The following CRPPA variants were observed in gnomAD, a reference collection of about 807,000 sequenced individuals.
The protein encoded by CRPPA is D-ribitol-5-phosphate cytidylyltransferase.
In CRPPA, 43 loss-of-function variants were observed where a neutral mutation model predicts 52.0. The observed-to-expected ratio is 0.83, with a 90% CI of 0.65 to 1.07. The LOEUF (loss-of-function observed/expected upper bound fraction) is 1.07. CRPPA is among the 50% of genes least tolerant of loss of function. The pLI, the probability that CRPPA is intolerant of heterozygous loss-of-function variation, is 0.00. For synonymous variants in CRPPA, 250 were observed against 203.5 expected, an observed-to-expected ratio of 1.23 and a Z score of -1.94; for missense variants, 629 against 551.7, an observed-to-expected ratio of 1.14 and a Z score of -1.40.
chr7:16,394,080 G>A (rs1181540858), intron 2 of CRPPA, among the ~76,000 whole-genome samples: 1 of 152,004 alleles, frequency 6.6e-6, no homozygotes, highest in African/African-American at 2.4e-5. Flanking sequence ...TTACTGATGA[G>A]TATAATTCAA....
chr7:16,387,090 C>CATATAT (rs1463920056), intron 2 of CRPPA, among the ~76,000 whole-genome samples: 10 of 43,158 alleles, frequency 2.3e-4, no homozygotes, highest in African/African-American at 9.5e-4. Flanking sequence ...TATATATACA[C>CATATAT]ACATATATAT....
At chr7:16,343,366 A>T (rs2526602) in intron 3 of CRPPA, among the ~76,000 whole-genome samples, 97,096 of 151,824 alleles carry the variant, frequency 0.64, 31,274 homozygotes, top group South Asian at 0.79. Flanking sequence ...TCTGAATCTG[A>T]AGGGAGCCTT....
chr7:16,209,609 A>T (rs2128395818), intron 9 of CRPPA, among the ~76,000 whole-genome samples: 1 of 152,288 alleles, frequency 6.6e-6, no homozygotes, highest in South Asian at 2.1e-4. Flanking sequence ...AATAAAATAA[A>T]ATCTTGAGTT....
chr7:16,263,685 G>T (rs1258659819), intron 6 of CRPPA, among the ~76,000 whole-genome samples: 1 of 152,038 alleles, frequency 6.6e-6, no homozygotes, highest in African/African-American at 2.4e-5. Flanking sequence ...CTGGGAGGCA[G>T]AGGTTGCAGT....
intron 2 of CRPPA, among the ~76,000 whole-genome samples, chr7:16,380,725 G>GT (rs1358223765): frequency 6.6e-6 from 1 of 152,210 alleles, no homozygotes; most frequent in Non-Finnish European, 1.5e-5. Context: ...TTGGGAGGGT[G>GT]TATGTGTCGA....
chr7:16,288,626 A>G (rs1209910208), intron 5 of CRPPA, among the ~76,000 whole-genome samples: 1 of 151,962 alleles, frequency 6.6e-6, no homozygotes, highest in Non-Finnish European at 1.5e-5. Context: ...TGGGTGCATC[A>G]CCTGAGGTCA....
chr7:16,186,529 T>C (rs1013279349), intron 9 of CRPPA, among the ~76,000 whole-genome samples: 1 of 152,146 alleles, frequency 6.6e-6, no homozygotes, highest in Non-Finnish European at 1.5e-5. Context: ...TGGAAATTTG[T>C]TATAGCAACC....
At chr7:16,148,586 T>G (rs527886864) in intron 9 of CRPPA, among the ~76,000 whole-genome samples, 3 of 151,958 alleles carry the variant, frequency 2.0e-5, no homozygotes, top group Non-Finnish European at 2.9e-5. Flanking sequence ...GCTAAAACAA[T>G]GAGCTCATAT....
intron 8 of CRPPA, among the ~76,000 whole-genome samples, chr7:16,228,184 G>C (rs946447749): frequency 1.3e-5 from 2 of 151,774 alleles, no homozygotes; most frequent in Non-Finnish European, 3.0e-5. Flanking sequence ...CTCCAGCTTT[G>C]TTCTTTTTCC....
At chr7:16,325,505 T>C (rs1785363019) in intron 3 of CRPPA, among the ~76,000 whole-genome samples, 1 of 152,144 alleles carries the variant, frequency 6.6e-6, no homozygotes, top group Non-Finnish European at 1.5e-5. Context: ...TATTGGACTG[T>C]TTCAGGAACA....
chr7:16,326,376 T>C (rs1346311549), intron 3 of CRPPA, among the ~76,000 whole-genome samples: 2 of 152,166 alleles, frequency 1.3e-5, no homozygotes, highest in East Asian at 1.9e-4. Context: ...TATGTAGATA[T>C]TGAAGGAGGA....
At chr7:16,389,922 AAAAAAAAT>A (rs1787393192) in intron 2 of CRPPA, among the ~76,000 whole-genome samples, 1 of 62,264 alleles carries the variant, frequency 1.6e-5, no homozygotes, top group African/African-American at 7.0e-5. Flanking sequence ...ACAAAAAAAA[AAAAAAAAT>A]ATATATATAT....
At chr7:16,094,581 G>C (rs1781899481) in intron 9 of CRPPA, among the ~76,000 whole-genome samples, 1 of 151,762 alleles carries the variant, frequency 6.6e-6, no homozygotes, top group African/African-American at 2.4e-5. Flanking sequence ...GTGTGTGTGT[G>C]TGTATGTGTG....
At chr7:16,190,255 C>A (rs1781580919) in intron 9 of CRPPA, among the ~76,000 whole-genome samples, 1 of 152,094 alleles carries the variant, frequency 6.6e-6, no homozygotes, top group African/African-American at 2.4e-5. Flanking sequence ...GTTGTCCAGG[C>A]AGAGCTAAAC....
chr7:16,110,061 G>GA (rs1027908919), intron 9 of CRPPA, among the ~76,000 whole-genome samples: 8 of 151,664 alleles, frequency 5.3e-5, no homozygotes, highest in African/African-American at 1.9e-4. Flanking sequence ...GTTAACAGTT[G>GA]AAAAAAATAC....
intron 3 of CRPPA, among the ~76,000 whole-genome samples, chr7:16,320,316 T>G (rs1785233236): frequency 6.6e-6 from 1 of 152,126 alleles, no homozygotes; most frequent in African/African-American, 2.4e-5. Context: ...TATGAGAATA[T>G]GGCAGGGTTA....
At chr7:16,197,751 T>C (rs944755076) in intron 9 of CRPPA, among the ~76,000 whole-genome samples, 6 of 150,608 alleles carry the variant, frequency 4.0e-5, no homozygotes, top group Non-Finnish European at 7.4e-5. Context: ...GATCAGATTG[T>C]TACTGTGTCT....
intron 3 of CRPPA, among the ~76,000 whole-genome samples, chr7:16,347,045 C>T (rs1394755662): frequency 6.6e-6 from 1 of 151,956 alleles, no homozygotes; most frequent in African/African-American, 2.4e-5. Flanking sequence ...GAATATTTGT[C>T]CATAATAACT....
chr7:16,361,931 T>C (rs1786457932), intron 3 of CRPPA, among the ~76,000 whole-genome samples: 1 of 152,200 alleles, frequency 6.6e-6, no homozygotes, highest in African/African-American at 2.4e-5. Context: ...CTCGGCTCAC[T>C]GCAAACTCCA....
Sources: allele counts gnomAD v4.1 joint callset (sites outside exome capture counted in the v4.1 genomes callset), GRCh38; gene constraint gnomAD v4.1.1; transcripts MANE v1.5; gene names NCBI Gene and HGNC (gene_info 2026-07-23, HGNC 2026-07-21).